Variants in PAPLN observed in about 807,000 individuals in gnomAD.
PAPLN encodes the protein papilin.
Under a neutral mutation model 159.0 loss-of-function variants are expected in PAPLN, and 146 were observed. That is an observed-to-expected ratio of 0.92 (90% CI 0.80 to 1.05). The LOEUF (loss-of-function observed/expected upper bound fraction) is 1.05, where lower values mean the gene tolerates loss of function less well. Among genes scored for constraint, PAPLN ranks in the 50% least tolerant of loss-of-function variants. The pLI is 0.00. For missense variants in PAPLN, 1,720 were observed against 1,743.9 expected, an observed-to-expected ratio of 0.99 and a Z score of 0.24; for synonymous variants, 734 against 702.9, an observed-to-expected ratio of 1.04 and a Z score of -0.70.
chr14:73,236,802 G>A (rs1883055914), upstream of PAPLN, among the ~76,000 whole-genome samples: 1 of 145,006 alleles, frequency 6.9e-6, no homozygotes, highest in Admixed American at 6.9e-5. Flanking sequence ...GGCAACAAGA[G>A]TGAAACTCCG....
At chr14:73,256,188 G>C (rs939050926) in intron 14 of PAPLN, among the ~76,000 whole-genome samples, 2 of 152,274 alleles carry the variant, frequency 1.3e-5, no homozygotes, top group East Asian at 1.9e-4. Flanking sequence ...GCTTCTAAAA[G>C]AGGTGATCTT....
chr14:73,270,528 G>A lies in PAPLN; in HGVS notation c.3667+1805G>A, dbSNP rs144201841. Among the ~76,000 whole-genome samples, 44 of 152,308 alleles carry A rather than the reference G, an allele frequency of 2.9e-4. No homozygotes were observed. The East Asian group carries it at 7.5e-3, about 26-fold the overall frequency. On this transcript the variant is annotated intron_variant, in intron 26 of 26. Coordinates refer to ENST00000644200, the MANE Select transcript of PAPLN (RefSeq NM_001365906.3). ...TGCACAATGATGGAGTTACATTGGCGAAAGCACCACACTCCAGGGACTACT... is the reference window on the plus strand; with the variant it reads ...TGCACAATGATGGAGTTACATTGGCAAAAGCACCACACTCCAGGGACTACT...
Position 73,239,552 on chromosome 14 carries a change from G to C in PAPLN, c.-6-221G>C, listed in dbSNP as rs1260989953. The C allele has an allele frequency of 8.6e-6, 6 of 694,574 alleles. No individual in the cohort carries two copies. The African/African-American group carries it at 1.1e-4, about 13-fold the overall frequency. 43.0% of individuals were successfully genotyped at this position (694,574 alleles called of 1,614,324 possible). A position where few individuals can be genotyped will look rare whatever the true frequency, so the allele number is the denominator to read the frequency against. ...ACAAGTTGTTCTTGAACTTCTGCCA[G>C]TTGCGGATGGGCCATTCCTTTCTTG... On this transcript the variant is annotated intron_variant, in intron 1 of 26. Transcript: ENST00000644200.
Position 73,245,638 on chromosome 14 carries a change from G to C in PAPLN, c.173G>C (p.Arg58Thr). Residue 58 changes from arginine to threonine, a missense_variant and splice_region_variant, in exon 4 of 27, where the codon AGA (arginine) becomes ACA (threonine). Coordinates refer to ENST00000644200, the MANE Select transcript of PAPLN (RefSeq NM_001365906.3). This position sits in a 1 kb window ranked among gnomAD's most constrained non-coding sequence, Gnocchi z 4.2. ...FRERPCYSQR[R>T]DGGSSCVGPA... ...TTCCCGGTGCTCTGGTCCCGCAGGA[G>C]AGATGGAGGCTCCAGCTGCGTGGGC... The C allele has an allele frequency of 3.2e-6, 5 of 1,559,508 alleles. No homozygotes were observed. Among genetic ancestry groups the C allele is most frequent in the Non-Finnish European group, 4.3e-6 (5 of 1,153,098 alleles).
rs1566687416 is a variant in PAPLN, at chr14:73,253,938, T to TGGAGCCC, written c.1287_1293dup (p.Trp432GlyfsTer24). 4 of 1,612,126 alleles carry TGGAGCCC rather than the reference T, an allele frequency of 2.5e-6. No homozygotes were observed. Among genetic ancestry groups the TGGAGCCC allele is most frequent in the Middle Eastern group, 3.3e-4 (2 of 6,024 alleles). On this transcript the variant is annotated frameshift_variant, in exon 12 of 27. Transcript: ENST00000644200. LOFTEE classifies it high-confidence loss of function. ...CTGTAACCTGCAGCGCTGTGCAGCC[T>TGGAGCCC]GGAGCCCGGAGCCCTGGGGAGAGGT... is the stretch of plus-strand genomic sequence containing the variant.
chr14:73,239,972 G>A, intron 2 of PAPLN, 140 bp downstream of exon 2: 5 of 1,413,444 alleles, frequency 3.5e-6, no homozygotes, highest in Admixed American at 2.8e-5. Flanking sequence ...CCGCACCGCT[G>A]AGCTCCCTCA....
In PAPLN at chr14:73,272,579, A is replaced by G. The variant is rs140217424; in HGVS notation, c.3752A>G (p.Gln1251Arg). Residue 1251 changes from glutamine (Q) to arginine (R), a missense_variant, in exon 27 of 27, where the codon CAG becomes CGG. Transcript: ENST00000644200. The stretch of plus-strand genomic sequence containing the variant: ...AACTGTGATTTGATCCTGCAGGCCC[A>G]GCTTTGTGGCAATGAGTATTACTCC... ...LANCDLILQA[Q>R]LCGNEYYSSF... is the part of the protein sequence containing the mutation. 4.4e-5 allele frequency: 70 copies of G among 1,604,740 alleles called. No individual in the cohort carries two copies. In the African/African-American group the frequency reaches 8.9e-4, roughly 21 times the overall value.
chr14:73,251,238 C>T (rs575653560), intron 7 of PAPLN, among the ~76,000 whole-genome samples: 79 of 152,300 alleles, frequency 5.2e-4, no homozygotes, highest in Middle Eastern at 3.4e-3. Context: ...CTGCTGCCAC[C>T]GCCTGGATGC....
In PAPLN at chr14:73,246,191, A is replaced by G. The variant is rs2140199307; in HGVS notation, c.334+16A>G. ...TACTACAGCGGTGAGCGCGGCCGGG[A>G]CTCGCTCTCTCGGGGCCTCTTGTAT... On this transcript the variant is annotated intron_variant, in intron 5 of 26. Transcript: ENST00000644200. 1 of 1,557,260 alleles carries G rather than the reference A, an allele frequency of 6.4e-7. No homozygotes were observed. The highest frequency in any genetic ancestry group is 2.0e-5 in the Admixed American group (1 of 50,202).
rs151235833 is a variant in PAPLN at position 73,248,121 on chromosome 14, TGTG to T, written c.335-1861_335-1859del. On this transcript the variant is annotated intron_variant, in intron 5 of 26. Coordinates refer to ENST00000644200, the MANE Select transcript of PAPLN (RefSeq NM_001365906.3). ...TGTGTGTGTGTGCGCGTGTGTGTGTTGTGGGGATCGTGGCTGTGGGCATGGCCC... is the reference window on the plus strand; with the variant it reads ...TGTGTGTGTGTGCGCGTGTGTGTGTTGGGATCGTGGCTGTGGGCATGGCCC... Among the ~76,000 whole-genome samples, 207 of 76,770 alleles carry T rather than the reference TGTG, an allele frequency of 2.7e-3. 9 individuals carry two copies. The highest frequency in any genetic ancestry group is 0.012 in the African/African-American group (185 of 16,082). The allele number at this position is 76,770 out of a possible 152,430, so 50.4% of individuals were successfully genotyped here.
intron 18 of PAPLN, among the ~76,000 whole-genome samples, 173 bp downstream of exon 18, chr14:73,261,467 T>C (rs1886581315): frequency 6.6e-6 from 1 of 152,250 alleles, no homozygotes; most frequent in Non-Finnish European, 1.5e-5. Flanking sequence ...CAGAGTGTTC[T>C]CGCATCCAGC....
chr14:73,273,559 G>A lies in PAPLN; in HGVS notation c.*895G>A, dbSNP rs1169762428. 1 of 152,240 alleles carries A rather than the reference G, an allele frequency of 6.6e-6. No homozygotes were observed. Among genetic ancestry groups the A allele is most frequent in the African/African-American group, 2.4e-5 (1 of 41,442 alleles). The allele number at this position is 152,240 out of a possible 1,614,324, so 9.4% of individuals were successfully genotyped here. The stretch of plus-strand genomic sequence containing the variant: ...CCCGCCTCGGCCTCCCAAAATGCTG[G>A]GATTAGAGGTGTGAGCCACTGTGCC... On this transcript the variant is annotated 3_prime_UTR_variant, in exon 27 of 27. Transcript: ENST00000644200.
chr14:73,257,856 C>T (rs771904047), intron 14 of PAPLN, among the ~76,000 whole-genome samples: 19 of 148,676 alleles, frequency 1.3e-4, no homozygotes, highest in South Asian at 6.5e-4. Flanking sequence ...CTCTGCCTCC[C>T]AGGTTCAAGC....
chr14:73,263,565 T>C (rs2140291784), intron 19 of PAPLN, 80 bp from the exon 20 acceptor site: 1 of 1,579,346 alleles, frequency 6.3e-7, no homozygotes. Flanking sequence ...CCAAGCTGTC[T>C]GTCATGGAAC....
rs945943244 is a variant in PAPLN at position 73,253,109 on chromosome 14, G to A, written c.1094+334G>A. ...GCAGATGCCAAGGGGTGGGCCAGGG[G>A]TCAGGCCAAAGGGCCTGTTGGCATC... On this transcript the variant is annotated intron_variant, in intron 11 of 26. Coordinates refer to ENST00000644200, the MANE Select transcript of PAPLN (RefSeq NM_001365906.3). The A allele has an allele frequency of 4.3e-6, 6 of 1,398,518 alleles. No individual in the cohort carries two copies. In the South Asian group the frequency reaches 4.5e-5, roughly 11 times the overall value. The allele number at this position is 1,398,518 out of a possible 1,614,324, so 86.6% of individuals were successfully genotyped here. A position where few individuals can be genotyped will look rare whatever the true frequency, so the allele number is the denominator to read the frequency against.
In PAPLN at chr14:73,274,481, TCTC is replaced by T. The variant is rs1270555537; in HGVS notation, c.*1818_*1820del. 1 of 152,194 alleles carries T rather than the reference TCTC, an allele frequency of 6.6e-6. No individual in the cohort carries two copies. The highest frequency in any genetic ancestry group is 1.5e-5 in the Non-Finnish European group (1 of 68,036). 9.4% of individuals were successfully genotyped at this position (152,194 alleles called of 1,614,324 possible). A position where few individuals can be genotyped will look rare whatever the true frequency, so the allele number is the denominator to read the frequency against. On this transcript the variant is annotated 3_prime_UTR_variant, in exon 27 of 27. Coordinates refer to ENST00000644200, the MANE Select transcript of PAPLN (RefSeq NM_001365906.3). ...ACGGGTGAGTGATACTTCTCAGTCT[TCTC>T]TACTCATTCAACAAAGGAAATGTGG... is the stretch of plus-strand genomic sequence containing the variant.
chr14:73,250,570 C>T (rs1376198270), intron 6 of PAPLN, among the ~76,000 whole-genome samples: 2 of 152,136 alleles, frequency 1.3e-5, no homozygotes, highest in Admixed American at 6.5e-5. Context: ...GAGTTCTAGC[C>T]ACCGGGGGTT....
In PAPLN at chr14:73,246,099, C is replaced by A; in HGVS notation, c.258C>A (p.Phe86Leu). ...TESCPDGARDFRAEQCAEFDG... is the reference protein window; with the variant it reads ...TESCPDGARDLRAEQCAEFDG... The stretch of plus-strand genomic sequence containing the variant: ...GCTGCCCCGACGGCGCCCGGGACTT[C>A]CGGGCCGAGCAGTGCGCGGAGTTCG... The change falls in exon 5 of 27, where the codon TTC becomes TTA. Residue 86 changes from phenylalanine (F) to leucine (L), a missense_variant. Phe to Leu is a conservative substitution (Grantham distance 22). Transcript: ENST00000644200. 6.3e-7 allele frequency: 1 copy of A among 1,580,350 alleles called. No individual in the cohort carries two copies. The highest frequency in any genetic ancestry group is 1.8e-5 in the Admixed American group (1 of 56,526).
At chr14:73,262,190 C>A (rs753663025) in intron 18 of PAPLN, 160 bp from the exon 19 acceptor site, 2 of 735,428 alleles carry the variant, frequency 2.7e-6, no homozygotes, top group Non-Finnish European at 4.5e-6. Flanking sequence ...CTGGTGGAAG[C>A]ATCCTGGATC....
Sources: allele counts gnomAD v4.1 joint callset (sites outside exome capture counted in the v4.1 genomes callset), GRCh38; gene constraint gnomAD v4.1.1; non-coding constraint Gnocchi (gnomAD v3.1); transcripts MANE v1.5; gene names NCBI Gene and HGNC (gene_info 2026-07-23, HGNC 2026-07-21).